ZNF112: variants seen among roughly 807,000 people sequenced by gnomAD.
ZNF112 encodes zinc finger protein 112.
A neutral mutation model predicts 77.7 loss-of-function variants in ZNF112; 37 were observed. The ratio of observed to expected loss-of-function variants is 0.48; its 90% CI spans 0.37 to 0.63. ZNF112 has a LOEUF of 0.63. Among genes scored for constraint, ZNF112 ranks in the 20% least tolerant of loss-of-function variants. ZNF112 has a pLI of 0.00. For missense variants in ZNF112, 950 were observed against 1,077.4 expected (o/e 0.88, Z 1.66); for synonymous variants, 333 against 363.6 (o/e 0.92, Z 0.96).
chr19:44,327,687 C>T lies in ZNF112; in HGVS notation c.2470G>A (p.Glu824Lys). The T allele has an allele frequency of 6.2e-7, 1 of 1,613,866 alleles. No homozygotes were observed. The highest frequency in any genetic ancestry group is 8.5e-7 in the Non-Finnish European group (1 of 1,179,940). Residue 824 changes from glutamate to lysine, a missense_variant, in exon 4 of 4, where the codon GAG becomes AAG. Coordinates refer to ENST00000354340, the MANE Select transcript of ZNF112 (RefSeq NM_013380.4). ...CATACCTCACATTTGTATGGTTTCT[C>T]TCCTGTGTGGACTCTGTGATGGGCT... ...LQAHHRVHTG[E>K]KPYKCEVCGK...
Position 44,327,354 on chromosome 19 carries a change from T to C in ZNF112, c.*79A>G. On this transcript the variant is annotated 3_prime_UTR_variant, in exon 4 of 4. Transcript: ENST00000354340. ...GAATGTTGAAGTTGGGCAGCAACAT[T>C]ACATTTTAATTTTTAAAAATTCTTT... 8.2e-7 allele frequency: 1 copy of C among 1,212,564 alleles called. No homozygotes were observed. Among genetic ancestry groups the C allele is most frequent in the Non-Finnish European group, 1.1e-6 (1 of 883,858 alleles). 75.1% of individuals were successfully genotyped at this position (1,212,564 alleles called of 1,614,324 possible).
At chr19:44,352,620 C>T (rs1018308330) in intron 1 of ZNF112, among the ~76,000 whole-genome samples, 2 of 151,990 alleles carry the variant, frequency 1.3e-5, no homozygotes, top group African/African-American at 4.8e-5. Context: ...TACCAAAAAA[C>T]AAAAATTTCT....
chr19:44,366,807 A>G (rs1677980915), intron 1 of ZNF112, among the ~76,000 whole-genome samples: 1 of 152,256 alleles, frequency 6.6e-6, no homozygotes, highest in African/African-American at 2.4e-5. Flanking sequence ...TTAAAAAAAA[A>G]AAATTAATAA....
Position 44,354,239 on chromosome 19 carries a change from A to G in ZNF112, c.-4+2387T>C, listed in dbSNP as rs11882809. Among the ~76,000 whole-genome samples, 1,290 of 152,194 alleles carry G rather than the reference A, an allele frequency of 8.5e-3. 17 individuals are homozygous for G. Among genetic ancestry groups the G allele is most frequent in the African/African-American group, 0.03 (1,238 of 41,558 alleles). On this transcript the variant is annotated intron_variant, in intron 1 of 3. Coordinates refer to ENST00000354340, the MANE Select transcript of ZNF112 (RefSeq NM_013380.4). ...GTGAGGGGTAATTATGAGGGAAGACATGAGGGGAGTTTTTGGGGTGATGGA... is the reference window on the plus strand; with the variant it reads ...GTGAGGGGTAATTATGAGGGAAGACGTGAGGGGAGTTTTTGGGGTGATGGA...
intron 1 of ZNF112, among the ~76,000 whole-genome samples, chr19:44,351,299 T>C (rs570996243): frequency 6.6e-6 from 1 of 152,234 alleles, no homozygotes; most frequent in Admixed American, 6.5e-5. Flanking sequence ...TCTCATACCA[T>C]GTGAAGTAAC....
chr19:44,336,439 T>C (rs1970367608), intron 3 of ZNF112, among the ~76,000 whole-genome samples, 184 bp downstream of exon 3: 1 of 152,166 alleles, frequency 6.6e-6, no homozygotes, highest in Non-Finnish European at 1.5e-5. Flanking sequence ...TAGGTGAATA[T>C]GGAAAGTGAG....
At chr19:44,350,993 G>A (rs566642759) in intron 1 of ZNF112, among the ~76,000 whole-genome samples, 10 of 152,150 alleles carry the variant, frequency 6.6e-5, no homozygotes, top group Non-Finnish European at 1.5e-4. Context: ...ATTAGTTATG[G>A]AGATCAGAAG....
At chr19:44,347,773 A>G (rs1008722880) in intron 1 of ZNF112, among the ~76,000 whole-genome samples, 3 of 152,096 alleles carry the variant, frequency 2.0e-5, no homozygotes, top group African/African-American at 7.2e-5. Context: ...AGTCATGCAT[A>G]TTTTAAAGAG....
upstream of ZNF112, among the ~76,000 whole-genome samples, chr19:44,360,811 T>C (rs182877031): frequency 4.4e-3 from 665 of 152,306 alleles, 1 homozygote; most frequent in Non-Finnish European, 7.1e-3. Context: ...TGGTGGATTG[T>C]AGAGCCCGAT....
At chr19:44,359,996 C>T (rs1427009288), upstream of ZNF112, among the ~76,000 whole-genome samples, 1 of 152,024 alleles carries the variant, frequency 6.6e-6, no homozygotes, top group Admixed American at 6.6e-5. Flanking sequence ...GTGGCTCATG[C>T]CTGTAATCCC....
upstream of ZNF112, among the ~76,000 whole-genome samples, chr19:44,359,743 T>C (rs1393341060): frequency 6.6e-6 from 1 of 152,234 alleles, no homozygotes; most frequent in Admixed American, 6.5e-5. Flanking sequence ...CAAACTTGTT[T>C]AGAAATTAAT....
intron 1 of ZNF112, among the ~76,000 whole-genome samples, chr19:44,350,445 C>T (rs558785426): frequency 6.0e-4 from 91 of 152,018 alleles, no homozygotes; most frequent in Non-Finnish European, 1.2e-3. Context: ...AAGAACTTCC[C>T]TCAAGCATTA....
chr19:44,361,583 C>T (rs1970855595), upstream of ZNF112, among the ~76,000 whole-genome samples: 3 of 152,166 alleles, frequency 2.0e-5, no homozygotes, highest in South Asian at 6.2e-4. Context: ...ATATGATAAT[C>T]TGGAAAAGGC....
In ZNF112 at chr19:44,329,033, T is replaced by C; in HGVS notation, c.1124A>G (p.His375Arg). The C allele has an allele frequency of 1.2e-6, 2 of 1,613,946 alleles. No individual in the cohort carries two copies. Among genetic ancestry groups the C allele is most frequent in the East Asian group, 2.2e-5 (1 of 44,858 alleles). ...ATATTCATGGGGTTCATCCCTAGTA[T>C]GGACCCTAAAAATACTATTAAGGTC... ...SLDLNSIFRV[H>R]TRDEPHEYEE... The change falls in exon 4 of 4, where the codon CAT becomes CGT. Residue 375 changes from histidine to arginine, a missense_variant. Physicochemically the swap from His to Arg is conservative, Grantham distance 29. Around this residue, in one of 3 missense-constraint regions of ZNF112, gnomAD observed 560 missense variants for 557.3 expected, o/e 1.00. Coordinates refer to ENST00000354340, the MANE Select transcript of ZNF112 (RefSeq NM_013380.4).
Position 44,337,979 on chromosome 19 carries a change from A to C in ZNF112, c.125-1261T>G, listed in dbSNP as rs912766301. ...GCATTAAATACCATTCCCCAGTTAA[A>C]AAAAAAAAAAAAAAAAAAGATAATT... On this transcript the variant is annotated intron_variant, in intron 2 of 3. Transcript: ENST00000354340. 3.5e-3 allele frequency among the ~76,000 whole-genome samples: 423 copies of C among 122,036 alleles called. 4 individuals are homozygous for C. The highest frequency in any genetic ancestry group is 0.016 in the African/African-American group (399 of 25,292). The allele number at this position is 122,036 out of a possible 152,430, so 80.1% of individuals were successfully genotyped here.
intron 3 of ZNF112, among the ~76,000 whole-genome samples, chr19:44,333,583 G>A (rs928429897): frequency 1.2e-4 from 19 of 152,134 alleles, no homozygotes; most frequent in African/African-American, 4.1e-4. Context: ...GTGCTGTCTC[G>A]TGACAGAGTT....
rs965609186 is a variant in ZNF112 at position 44,327,946 on chromosome 19, G to A, written c.2211C>T (p.His737=). The A allele has an allele frequency of 6.2e-7, 1 of 1,613,558 alleles. No homozygotes were observed. The highest frequency in any genetic ancestry group is 1.3e-5 in the African/African-American group (1 of 74,732). Residue 737 remains histidine, a synonymous_variant, in exon 4 of 4, where the codon CAC becomes CAT. Coordinates refer to ENST00000354340, the MANE Select transcript of ZNF112 (RefSeq NM_013380.4). ...CACATTTATACGGTTTCACTCTAGT[G>A]TGGACTCTCTGATGACCTTGAAGAT... ...RAYLQGHQRV[H]TRVKPYKCEM...
chr19:44,339,273 C>T (rs1970444868), intron 2 of ZNF112, among the ~76,000 whole-genome samples: 1 of 152,016 alleles, frequency 6.6e-6, no homozygotes, highest in Admixed American at 6.6e-5. Context: ...TCGCTAAGTC[C>T]CTGGAATATA....
At chr19:44,349,201 TC>T (rs966108173) in intron 1 of ZNF112, among the ~76,000 whole-genome samples, 1 of 152,104 alleles carries the variant, frequency 6.6e-6, no homozygotes, top group African/African-American at 2.4e-5. Context: ...TCTCATTTCT[TC>T]ATATTGTTGC....
Sources: gnomAD v4.1 joint callset for allele counts (sites outside exome capture counted in the v4.1 genomes callset) on GRCh38, gnomAD v4.1.1 for gene constraint, gnomAD v4.1.1 regional missense constraint, MANE v1.5 for transcripts, NCBI Gene and HGNC (gene_info 2026-07-23, HGNC 2026-07-21) for gene names.